Variants in PTPRD observed in about 807,000 individuals in gnomAD.
PTPRD encodes the protein receptor-type tyrosine-protein phosphatase delta.
Under a neutral mutation model 214.5 loss-of-function variants are expected in PTPRD, and 34 were observed. The ratio of observed to expected loss-of-function variants is 0.16; its 90% confidence interval spans 0.12 to 0.21. The LOEUF (loss-of-function observed/expected upper bound fraction) is 0.21, where lower values mean the gene tolerates loss of function less well. PTPRD is among the 10% of genes least tolerant of loss of function. PTPRD has a pLI of 1.00. For synonymous variants in PTPRD, 1,128 were observed against 845.7 expected (o/e 1.33, Z -5.79); for missense variants, 2,545 against 2,398.7 (o/e 1.06, Z -1.27).
intron 19 of PTPRD, 32 bp downstream of exon 19, chr9:8,523,481 T>C: frequency 6.2e-7 from 1 of 1,610,496 alleles, no homozygotes; most frequent in Non-Finnish European, 8.5e-7. Flanking sequence ...AATAGTTTTG[T>C]AAGGTGGGTA....
At chr9:10,051,072 C>T (rs1361269845) in intron 3 of PTPRD, among the ~76,000 whole-genome samples, 1 of 151,694 alleles carries the variant, frequency 6.6e-6, no homozygotes, top group East Asian at 1.9e-4. Flanking sequence ...GATTTGACAC[C>T]CACATAAAAA....
intron 7 of PTPRD, among the ~76,000 whole-genome samples, chr9:9,662,418 A>C (rs112548154): frequency 6.6e-5 from 10 of 151,770 alleles, no homozygotes; most frequent in African/African-American, 2.4e-4. Flanking sequence ...TAACAGCAAG[A>C]CGCTTTTTCT....
intron 3 of PTPRD, among the ~76,000 whole-genome samples, chr9:10,048,731 C>A (rs1166159766): frequency 6.6e-6 from 1 of 152,018 alleles, no homozygotes; most frequent in African/African-American, 2.4e-5. Flanking sequence ...AGCTCCTTAT[C>A]AACCCAGAAA....
intron 8 of PTPRD, among the ~76,000 whole-genome samples, chr9:9,566,421 T>G (rs1174958106): frequency 6.6e-6 from 1 of 152,004 alleles, no homozygotes; most frequent in African/African-American, 2.4e-5. Context: ...AAATTTAAAC[T>G]CAGATTATTT....
chr9:9,202,821 C>T (rs923113169), intron 9 of PTPRD, among the ~76,000 whole-genome samples: 2 of 152,144 alleles, frequency 1.3e-5, no homozygotes, highest in South Asian at 2.1e-4. Flanking sequence ...TGAAGCTTGG[C>T]TTTCTTATTT....
intron 4 of PTPRD, among the ~76,000 whole-genome samples, chr9:9,980,728 C>T (rs555276633): frequency 7.9e-6 from 1 of 126,462 alleles, no homozygotes; most frequent in Non-Finnish European, 1.7e-5. Context: ...AAAATTAACA[C>T]TGGATTACAG....
intron 3 of PTPRD, among the ~76,000 whole-genome samples, chr9:10,306,249 A>T (rs967143927): frequency 6.9e-6 from 1 of 145,946 alleles, no homozygotes; most frequent in Non-Finnish European, 1.5e-5. Flanking sequence ...AGGGAGGGGA[A>T]CATCACATGC....
intron 12 of PTPRD, among the ~76,000 whole-genome samples, chr9:8,689,251 T>C (rs969822496): frequency 2.0e-5 from 3 of 152,180 alleles, no homozygotes; most frequent in African/African-American, 7.2e-5. Flanking sequence ...GATAGAAAGA[T>C]GAAAACAAAA....
intron 11 of PTPRD, among the ~76,000 whole-genome samples, chr9:8,856,743 A>C (rs1602024636): frequency 6.6e-6 from 1 of 152,190 alleles, no homozygotes; most frequent in Non-Finnish European, 1.5e-5. Flanking sequence ...GTTTTGGAGA[A>C]TGGAACTACT....
At chr9:10,466,995 T>C (rs572688369) in intron 2 of PTPRD, among the ~76,000 whole-genome samples, 1 of 152,324 alleles carries the variant, frequency 6.6e-6, no homozygotes, top group African/African-American at 2.4e-5. Flanking sequence ...ACTATGAGCA[T>C]ATTAGAGTTC....
intron 3 of PTPRD, among the ~76,000 whole-genome samples, chr9:10,168,497 C>T (rs980663067): frequency 1.3e-5 from 2 of 152,178 alleles, no homozygotes; most frequent in South Asian, 2.1e-4. Context: ...TTATTCCTAA[C>T]ATTTGCCTTT....
chr9:10,586,187 A>T (rs13297648), intron 2 of PTPRD, among the ~76,000 whole-genome samples: 26,700 of 151,870 alleles, frequency 0.18, 2,639 homozygotes, highest in South Asian at 0.25. Context: ...TCTCTCCACA[A>T]TCTGCAATGA....
intron 5 of PTPRD, among the ~76,000 whole-genome samples, chr9:9,784,594 T>C (rs1027081572): frequency 6.6e-6 from 1 of 152,000 alleles, no homozygotes; most frequent in Non-Finnish European, 1.5e-5. Context: ...GTACATCTTA[T>C]TTCAAGATTT....
chr9:9,572,450 G>A (rs2086738845), intron 8 of PTPRD, among the ~76,000 whole-genome samples: 1 of 150,834 alleles, frequency 6.6e-6, no homozygotes, highest in East Asian at 1.9e-4. Flanking sequence ...GTAATCTGTG[G>A]CAAGTACACA....
At chr9:9,091,771 T>C (rs1191234307) in intron 10 of PTPRD, among the ~76,000 whole-genome samples, 2 of 152,174 alleles carry the variant, frequency 1.3e-5, no homozygotes, top group Non-Finnish European at 2.9e-5. Context: ...TGTACTCCAT[T>C]GAAGAATTGA....
At chr9:9,475,623 C>A (rs2094967864) in intron 8 of PTPRD, among the ~76,000 whole-genome samples, 1 of 152,160 alleles carries the variant, frequency 6.6e-6, no homozygotes, top group South Asian at 2.1e-4. Flanking sequence ...CAGACAGTGT[C>A]TTACGAAATG....
At chr9:10,194,120 A>G (rs1453409521) in intron 3 of PTPRD, among the ~76,000 whole-genome samples, 1 of 151,992 alleles carries the variant, frequency 6.6e-6, no homozygotes, top group Non-Finnish European at 1.5e-5. Flanking sequence ...GAGGAATAAA[A>G]TCAGTCACCA....
intron 7 of PTPRD, among the ~76,000 whole-genome samples, chr9:9,611,523 T>C (rs1564047134): frequency 6.6e-6 from 1 of 152,230 alleles, no homozygotes; most frequent in South Asian, 2.1e-4. Flanking sequence ...TAACATAGAA[T>C]CTGATGTATA....
intron 10 of PTPRD, among the ~76,000 whole-genome samples, chr9:9,134,213 C>CA (rs1170615530): frequency 6.7e-6 from 1 of 148,238 alleles, no homozygotes; most frequent in Non-Finnish European, 1.5e-5. Context: ...GCTGGGACTA[C>CA]AGGTGCCCGC....
Sources: gnomAD v4.1 joint callset for allele counts (sites outside exome capture counted in the v4.1 genomes callset) on GRCh38, gnomAD v4.1.1 for gene constraint, MANE v1.5 for transcripts, NCBI Gene and HGNC (gene_info 2026-07-23, HGNC 2026-07-21) for gene names.